PPARGC1A: variants seen among roughly 807,000 people sequenced by gnomAD.
PPARGC1A encodes the protein peroxisome proliferator-activated receptor gamma coactivator 1-alpha.
A neutral mutation model predicts 88.7 loss-of-function variants in PPARGC1A; 25 were observed. That is an observed-to-expected ratio of 0.28 (90% CI 0.21 to 0.39). The LOEUF (loss-of-function observed/expected upper bound fraction) is 0.39. Among genes scored for constraint, PPARGC1A ranks in the 10% least tolerant of loss-of-function variants. The pLI is 1.00. For synonymous variants in PPARGC1A, 363 were observed against 355.6 expected (o/e 1.02, Z -0.24); for missense variants, 880 against 968.7 (o/e 0.91, Z 1.22).
the PPARGC1A span, among the ~76,000 whole-genome samples, chr4:24,310,670 CACTAAA>C: frequency 3.3e-5 from 5 of 152,098 alleles, no homozygotes; most frequent in Non-Finnish European, 5.9e-5. Context: ...GTTAATTGCC[CACTAAA>C]ACTGAGTTCA....
At chr4:23,848,926 G>A (rs1448926875) in intron 2 of PPARGC1A, among the ~76,000 whole-genome samples, 1 of 152,026 alleles carries the variant, frequency 6.6e-6, no homozygotes, top group Non-Finnish European at 1.5e-5. Flanking sequence ...GGCAGATCAC[G>A]AGGTCAGGAG....
the PPARGC1A span, among the ~76,000 whole-genome samples, chr4:24,410,718 G>T: frequency 6.6e-6 from 1 of 152,158 alleles, no homozygotes; most frequent in South Asian, 2.1e-4. Flanking sequence ...GACTAGACCT[G>T]CTGAGTCTTC....
the PPARGC1A span, among the ~76,000 whole-genome samples, chr4:23,959,551 C>T: frequency 1.3e-5 from 2 of 152,118 alleles, no homozygotes; most frequent in African/African-American, 4.8e-5. Flanking sequence ...AGGGGCATAC[C>T]AGCATGACGT....
intron 5 of PPARGC1A, among the ~76,000 whole-genome samples, chr4:23,828,042 G>GA (rs1212895931): frequency 6.6e-6 from 1 of 152,064 alleles, no homozygotes; most frequent in Non-Finnish European, 1.5e-5. Context: ...TACTGGAAGG[G>GA]AAAAAATAAA....
At chr4:24,262,763 G>A in the PPARGC1A span, among the ~76,000 whole-genome samples, 1 of 152,092 alleles carries the variant, frequency 6.6e-6, no homozygotes, top group Non-Finnish European at 1.5e-5. Context: ...AAGGATAGCT[G>A]CTCCCTGGTT....
At chr4:24,013,043 A>G in the PPARGC1A span, among the ~76,000 whole-genome samples, 1 of 152,136 alleles carries the variant, frequency 6.6e-6, no homozygotes, top group Non-Finnish European at 1.5e-5. Flanking sequence ...CCCCTGTAAC[A>G]GGTTGCTCCA....
chr4:23,983,716 G>A, the PPARGC1A span, among the ~76,000 whole-genome samples: 2 of 152,044 alleles, frequency 1.3e-5, no homozygotes, highest in Non-Finnish European at 2.9e-5. Context: ...AGGAGACAGA[G>A]GAAGGGAGGG....
the PPARGC1A span, among the ~76,000 whole-genome samples, chr4:24,272,120 A>G: frequency 6.6e-6 from 1 of 151,362 alleles, no homozygotes; most frequent in East Asian, 1.9e-4. Context: ...CCTTTTTCTC[A>G]CTCAGTGCTG....
At chr4:24,215,055 C>T in the PPARGC1A span, among the ~76,000 whole-genome samples, 1 of 152,116 alleles carries the variant, frequency 6.6e-6, no homozygotes, top group African/African-American at 2.4e-5. Context: ...TGAACAGAGC[C>T]CTAAGTGCAC....
the PPARGC1A span, among the ~76,000 whole-genome samples, chr4:24,070,361 C>T: frequency 6.6e-6 from 1 of 152,146 alleles, no homozygotes; most frequent in African/African-American, 2.4e-5. Flanking sequence ...AGTGCCTACA[C>T]CTTAGTCATG....
At chr4:23,897,002 G>T (rs959138272) in intron 1 of PPARGC1A, among the ~76,000 whole-genome samples, 1 of 152,166 alleles carries the variant, frequency 6.6e-6, no homozygotes, top group Non-Finnish European at 1.5e-5. Context: ...TGTAAATGCT[G>T]CCATGTTGCA....
the PPARGC1A span, among the ~76,000 whole-genome samples, chr4:24,162,284 G>A: frequency 1.3e-5 from 2 of 151,812 alleles, no homozygotes; most frequent in Non-Finnish European, 2.9e-5. Context: ...TCAGCTGATG[G>A]GTGCACAAAA....
At chr4:24,168,604 G>A in the PPARGC1A span, among the ~76,000 whole-genome samples, 3 of 151,244 alleles carry the variant, frequency 2.0e-5, no homozygotes, top group South Asian at 2.1e-4. Context: ...AGAAGGTGAG[G>A]AAGAGCTCAC....
the PPARGC1A span, among the ~76,000 whole-genome samples, chr4:24,198,641 T>C: frequency 6.6e-6 from 1 of 152,154 alleles, no homozygotes; most frequent in African/African-American, 2.4e-5. Context: ...GCATTCTCTG[T>C]CTTGGGTTGG....
the PPARGC1A span, among the ~76,000 whole-genome samples, chr4:24,098,858 T>A: frequency 6.6e-6 from 1 of 152,192 alleles, no homozygotes; most frequent in African/African-American, 2.4e-5. Context: ...AAAAACAACA[T>A]ATAGATGAGA....
At chr4:24,387,860 GAGAGAAAGGAAGAA>G in the PPARGC1A span, among the ~76,000 whole-genome samples, 10 of 130,206 alleles carry the variant, frequency 7.7e-5, no homozygotes, top group African/African-American at 1.7e-4. Flanking sequence ...AAGAGAGAAA[GAGAGAAAGGAAGAA>G]AGAGAAAGAA....
rs1353434560 is a variant in PPARGC1A at position 23,792,475 on chromosome 4, A to ACAT, written c.*3344_*3346dup. ...GGTTTCCTTTTATCAACTGACCCAA[A>ACAT]CATCATACCCCAATAGTGCAAAGTT... is the stretch of plus-strand genomic sequence containing the variant. On this transcript the variant is annotated 3_prime_UTR_variant, in exon 13 of 13. Coordinates refer to ENST00000264867, the MANE Select transcript of PPARGC1A (RefSeq NM_013261.5). 6.6e-6 allele frequency: 1 copy of ACAT among 152,290 alleles called. No homozygotes were observed. The highest frequency in any genetic ancestry group is 1.5e-5 in the Non-Finnish European group (1 of 67,968). 9.4% of individuals were successfully genotyped at this position (152,290 alleles called of 1,614,324 possible).
chr4:24,039,703 TAAAG>T, the PPARGC1A span, among the ~76,000 whole-genome samples: 35 of 152,164 alleles, frequency 2.3e-4, no homozygotes, highest in Non-Finnish European at 1.6e-4. Flanking sequence ...CTTCCTCTAT[TAAAG>T]AAAGATGGTA....
At chr4:24,337,555 G>A in the PPARGC1A span, among the ~76,000 whole-genome samples, 10 of 152,096 alleles carry the variant, frequency 6.6e-5, no homozygotes, top group Non-Finnish European at 1.5e-4. Context: ...CCCCTACTGA[G>A]CGTGGGGAGA....
Sources: gnomAD v4.1 joint callset for allele counts (sites outside exome capture counted in the v4.1 genomes callset) on GRCh38, gnomAD v4.1.1 for gene constraint, MANE v1.5 for transcripts, NCBI Gene and HGNC (gene_info 2026-07-23, HGNC 2026-07-21) for gene names.